The following RANBP2 variants were observed in gnomAD, a reference collection of about 807,000 sequenced individuals.
The protein encoded by RANBP2 is E3 SUMO-protein ligase RanBP2.
Under a neutral mutation model 303.6 loss-of-function variants are expected in RANBP2, and 57 were observed. The ratio of observed to expected loss-of-function variants is 0.19; its 90% CI spans 0.15 to 0.23. The LOEUF is 0.23. Among genes scored for constraint, RANBP2 ranks in the 10% least tolerant of loss-of-function variants. RANBP2 has a pLI of 1.00. For synonymous variants in RANBP2, 1,167 were observed against 1,301.5 expected (o/e 0.90, Z 2.23); for missense variants, 3,138 against 3,780.8 (o/e 0.83, Z 4.46).
the RANBP2 span, among the ~76,000 whole-genome samples, chr2:108,804,321 A>G: frequency 6.6e-6 from 1 of 152,202 alleles, no homozygotes; most frequent in Non-Finnish European, 1.5e-5. Flanking sequence ...GATTTGAATT[A>G]TTTATAGAAC....
chr2:109,293,230 G>A, the RANBP2 span, among the ~76,000 whole-genome samples: 3 of 152,214 alleles, frequency 2.0e-5, no homozygotes, highest in East Asian at 1.9e-4. Context: ...TAGGGCACCC[G>A]TAGGAGGGAG....
chr2:109,133,699 T>A, the RANBP2 span, among the ~76,000 whole-genome samples: 1 of 151,072 alleles, frequency 6.6e-6, no homozygotes, highest in South Asian at 2.1e-4. Context: ...TCATACATGG[T>A]CATCTTGATT....
chr2:109,685,245 T>C, the RANBP2 span, among the ~76,000 whole-genome samples: 23 of 152,310 alleles, frequency 1.5e-4, no homozygotes, highest in Admixed American at 2.0e-4. Flanking sequence ...CAGGCCACCA[T>C]TGATGAACAT....
the RANBP2 span, chr2:108,846,696 G>T: frequency 6.6e-7 from 1 of 1,524,432 alleles, no homozygotes; most frequent in Non-Finnish European, 8.9e-7. Context: ...GATATATTCT[G>T]AACATGAATA....
chr2:109,141,193 A>G, the RANBP2 span, among the ~76,000 whole-genome samples: 1 of 152,156 alleles, frequency 6.6e-6, no homozygotes, highest in East Asian at 1.9e-4. Flanking sequence ...CCTTCTGTGC[A>G]GTTTCTGGCT....
the RANBP2 span, among the ~76,000 whole-genome samples, chr2:109,302,188 G>A: frequency 6.6e-6 from 1 of 152,200 alleles, no homozygotes; most frequent in South Asian, 2.1e-4. Flanking sequence ...TACTCCTACA[G>A]CCAGTGCTGG....
At chr2:109,500,002 T>A in the RANBP2 span, among the ~76,000 whole-genome samples, 1 of 151,764 alleles carries the variant, frequency 6.6e-6, no homozygotes, top group Non-Finnish European at 1.5e-5. Context: ...AAGTTACAGA[T>A]GGTGGAAGCG....
chr2:109,456,887 A>G, the RANBP2 span, among the ~76,000 whole-genome samples: 1 of 152,242 alleles, frequency 6.6e-6, no homozygotes, highest in Non-Finnish European at 1.5e-5. Context: ...CCTAGGGCTC[A>G]TGCCGCTGAG....
At chr2:109,448,750 AC>A in the RANBP2 span, among the ~76,000 whole-genome samples, 1 of 152,206 alleles carries the variant, frequency 6.6e-6, no homozygotes, top group Non-Finnish European at 1.5e-5. Flanking sequence ...AATGTAATGC[AC>A]TTGAATCATC....
chr2:109,586,760 C>T, the RANBP2 span, among the ~76,000 whole-genome samples: 3 of 152,132 alleles, frequency 2.0e-5, no homozygotes, highest in African/African-American at 7.2e-5. Context: ...ACACCCTAGG[C>T]CTTCTACTGA....
the RANBP2 span, among the ~76,000 whole-genome samples, chr2:109,551,039 A>T: frequency 9.8e-5 from 15 of 152,332 alleles, no homozygotes; most frequent in South Asian, 3.1e-3. Flanking sequence ...TGGGGAGGGT[A>T]TATAGGAAAT....
the RANBP2 span, among the ~76,000 whole-genome samples, chr2:109,365,513 GC>G: frequency 1.3e-5 from 2 of 152,138 alleles, no homozygotes; most frequent in Non-Finnish European, 2.9e-5. Flanking sequence ...AGTTTGTTCA[GC>G]TTTTTTACTC....
At chr2:109,661,916 C>T in the RANBP2 span, among the ~76,000 whole-genome samples, 3 of 152,188 alleles carry the variant, frequency 2.0e-5, no homozygotes. Context: ...TCTCCCTCTT[C>T]CCTAGATCCA....
the RANBP2 span, among the ~76,000 whole-genome samples, chr2:109,203,085 C>T: frequency 6.6e-6 from 1 of 152,172 alleles, no homozygotes; most frequent in South Asian, 2.1e-4. Flanking sequence ...CTCCGTCGAG[C>T]CTGGAACACT....
chr2:109,691,717 G>A, the RANBP2 span, among the ~76,000 whole-genome samples: 1 of 151,954 alleles, frequency 6.6e-6, no homozygotes, highest in Non-Finnish European at 1.5e-5. Flanking sequence ...CTCTGTGGGG[G>A]CCCTGGACAC....
the RANBP2 span, among the ~76,000 whole-genome samples, chr2:108,980,389 C>T: frequency 2.6e-5 from 4 of 152,058 alleles, no homozygotes; most frequent in Non-Finnish European, 4.4e-5. Context: ...CTGGTGGGCA[C>T]GCCCTGCCGC....
the RANBP2 span, among the ~76,000 whole-genome samples, chr2:109,232,568 A>G: frequency 6.6e-6 from 1 of 152,166 alleles, no homozygotes; most frequent in Non-Finnish European, 1.5e-5. Flanking sequence ...GACCTTTCTC[A>G]TCATGCCTAA....
chr2:109,334,888 A>G, the RANBP2 span, among the ~76,000 whole-genome samples: 1 of 152,170 alleles, frequency 6.6e-6, no homozygotes, highest in Non-Finnish European at 1.5e-5. Context: ...CAGTGTTTTT[A>G]TTGAGAAGCC....
downstream of RANBP2, chr2:108,786,680 GGTC>G (rs1558951307): frequency 1.4e-6 from 1 of 724,290 alleles, no homozygotes; most frequent in African/African-American, 1.9e-5. Flanking sequence ...GCAGTCTCCG[GGTC>G]GCCCCGCCCC....
Sources: allele counts gnomAD v4.1 joint callset (sites outside exome capture counted in the v4.1 genomes callset), GRCh38; gene constraint gnomAD v4.1.1; transcripts MANE v1.5; gene names NCBI Gene and HGNC (gene_info 2026-07-23, HGNC 2026-07-21).